The following DROSHA variants were observed in gnomAD, a reference collection of about 807,000 sequenced individuals.
DROSHA encodes drosha ribonuclease III, also known as ribonuclease 3.
Under a neutral mutation model 181.9 loss-of-function variants are expected in DROSHA, and 56 were observed. The observed-to-expected ratio is 0.31, with a 90% CI of 0.25 to 0.38. DROSHA has a LOEUF of 0.38. DROSHA is among the 10% of genes least tolerant of loss of function. The probability of loss-of-function intolerance (pLI) is 1.00; values close to 1 mark genes in which losing one functional copy is unlikely to be tolerated. For synonymous variants in DROSHA, 524 were observed against 591.2 expected, an observed-to-expected ratio of 0.89 and a Z score of 1.65; for missense variants, 1,218 against 1,743.5, an observed-to-expected ratio of 0.70 and a Z score of 5.37.
chr5:31,426,345 T>G (rs1361733246), intron 27 of DROSHA, among the ~76,000 whole-genome samples: 1 of 152,218 alleles, frequency 6.6e-6, no homozygotes, highest in Admixed American at 6.5e-5. Flanking sequence ...CTGGAAAATA[T>G]TCTGATCAGG....
intron 25 of DROSHA, among the ~76,000 whole-genome samples, chr5:31,432,804 C>A (rs1191379996): frequency 1.3e-5 from 2 of 152,152 alleles, no homozygotes; most frequent in Non-Finnish European, 2.9e-5. Flanking sequence ...TTTTCCTTTA[C>A]TTTGATCTCT....
chr5:31,479,004 A>G (rs1330117740), intron 16 of DROSHA, among the ~76,000 whole-genome samples: 2 of 152,228 alleles, frequency 1.3e-5, no homozygotes, highest in Non-Finnish European at 2.9e-5. Flanking sequence ...AACAATGGAG[A>G]ACTCCAGAAT....
intron 27 of DROSHA, among the ~76,000 whole-genome samples, chr5:31,428,059 T>A (rs1470714775): frequency 6.6e-6 from 1 of 152,176 alleles, no homozygotes; most frequent in African/African-American, 2.4e-5. Context: ...TTCTAACAAA[T>A]CTGTATTAAA....
intron 30 of DROSHA, among the ~76,000 whole-genome samples, chr5:31,418,085 C>T (rs760010166): frequency 2.0e-5 from 3 of 152,164 alleles, no homozygotes; most frequent in Non-Finnish European, 2.9e-5. Context: ...GCCCACTCCT[C>T]TCACGGGAAG....
In DROSHA at chr5:31,523,999, CA is replaced by C. The variant is rs74335989; in HGVS notation, c.854+2079del. ...TCCAAAAAAAAAAAAAAAAAAACAACAAAAAAAAAACTATCACATGCCTATG... is the reference window on the plus strand; with the variant it reads ...TCCAAAAAAAAAAAAAAAAAAACAACAAAAAAAAACTATCACATGCCTATG... On this transcript the variant is annotated intron_variant, in intron 5 of 35. Coordinates refer to ENST00000344624, the MANE Select transcript of DROSHA (RefSeq NM_001382508.1). Among the ~76,000 whole-genome samples, 232 of 133,102 alleles carry C rather than the reference CA, an allele frequency of 1.7e-3. 3 individuals are homozygous for C. The East Asian group carries it at 0.035, about 20-fold the overall frequency. 87.3% of individuals were successfully genotyped at this position (133,102 alleles called of 152,430 possible). A position where few individuals can be genotyped will look rare whatever the true frequency, so the allele number is the denominator to read the frequency against.
rs535927967 is a variant in DROSHA, at chr5:31,476,261, A to G, written c.2072-4029T>C. Reference sequence around the variant, plus strand: ...ACTCCTGTAATCCCAGCTACTCAGGAGGCTGGGGCAGGAGAATCGCTTGAA... The same window carrying G: ...ACTCCTGTAATCCCAGCTACTCAGGGGGCTGGGGCAGGAGAATCGCTTGAA... On this transcript the variant is annotated intron_variant, in intron 16 of 35. Transcript: ENST00000344624. Among the ~76,000 whole-genome samples the G allele has an allele frequency of 5.3e-5, 8 of 152,284 alleles. No homozygotes were observed. The East Asian group carries it at 1.4e-3, about 26-fold the overall frequency.
At chr5:31,485,650 ACCCTTCT>A (rs1751648140) in intron 14 of DROSHA, among the ~76,000 whole-genome samples, 1 of 149,436 alleles carries the variant, frequency 6.7e-6, no homozygotes. Context: ...AAAAAAAAAA[ACCCTTCT>A]AAAGCAGGAG....
Position 31,486,473 on chromosome 5 carries a change from C to T in DROSHA, c.1914+18G>A. On this transcript the variant is annotated intron_variant, in intron 14 of 35. Transcript: ENST00000344624. ...AAAGAGCAAACTACATCAAACCACA[C>T]ACAATCTTTTCCCTTACCTCCGGCA... is the stretch of plus-strand genomic sequence containing the variant. 9.3e-6 allele frequency: 15 copies of T among 1,609,380 alleles called. No individual in the cohort carries two copies. Among genetic ancestry groups the T allele is most frequent in the Non-Finnish European group, 1.3e-5 (15 of 1,177,038 alleles).
chr5:31,519,683 C>T (rs1229223413), intron 6 of DROSHA, among the ~76,000 whole-genome samples: 1 of 152,166 alleles, frequency 6.6e-6, no homozygotes, highest in South Asian at 2.1e-4. Context: ...TCAGGTTCAT[C>T]GTGAGCTACC....
At chr5:31,518,769 T>C (rs886090897) in intron 6 of DROSHA, among the ~76,000 whole-genome samples, 1 of 152,212 alleles carries the variant, frequency 6.6e-6, no homozygotes, top group Non-Finnish European at 1.5e-5. Flanking sequence ...CTAAAAGTGG[T>C]AGTTAAATGC....
At chr5:31,483,528 G>C (rs371672664) in intron 16 of DROSHA, 26 bp downstream of exon 16, 7 of 1,608,350 alleles carry the variant, frequency 4.4e-6, no homozygotes, top group Non-Finnish European at 5.1e-6. Flanking sequence ...TATCTCACCA[G>C]GTCACTGACA....
chr5:31,408,450 A>T (rs779330985), intron 33 of DROSHA, among the ~76,000 whole-genome samples: 1 of 152,212 alleles, frequency 6.6e-6, no homozygotes, highest in Non-Finnish European at 1.5e-5. Context: ...TTCAGAGCTG[A>T]ACCTCCTGTT....
rs1359929446 is a variant in DROSHA at position 31,464,352 on chromosome 5, G to T, written c.2467-9C>A. On this transcript the variant is annotated splice_polypyrimidine_tract_variant and intron_variant, in intron 19 of 35. Transcript: ENST00000344624. ...ATTTTTTGGAGGGCTTCCTAGAAAA[G>T]AATTCATTATGATGAGTAACACAAC... 6.2e-7 allele frequency: 1 copy of T among 1,611,456 alleles called. No individual in the cohort carries two copies. The highest frequency in any genetic ancestry group is 1.7e-5 in the Admixed American group (1 of 59,740).
At chr5:31,497,556 A>G (rs1753140174) in intron 11 of DROSHA, among the ~76,000 whole-genome samples, 2 of 152,262 alleles carry the variant, frequency 1.3e-5, no homozygotes, top group African/African-American at 4.8e-5. Context: ...CAGAGGTACA[A>G]AGTGCACACA....
At position 31,424,440 on chromosome 5, in the gene DROSHA, A is replaced by C. The variant is rs1330382398; in HGVS notation, c.3248T>G (p.Leu1083Arg). The C allele has an allele frequency of 1.3e-6, 2 of 1,598,778 alleles. No individual in the cohort carries two copies. The highest frequency in any genetic ancestry group is 1.7e-6 in the Non-Finnish European group (2 of 1,172,680). Reference sequence around the variant, plus strand: ...GGTCATACTTACTTGGAGTGGGTGGAGAGGATAATTGAGCCAGACTTCGCG... The same window carrying C: ...GGTCATACTTACTTGGAGTGGGTGGCGAGGATAATTGAGCCAGACTTCGCG... The part of the protein sequence containing the change: ...DLREVWLNYP[L>R]HPLQLQEPNT... The change falls in exon 28 of 36, where the codon CTC (leucine) becomes CGC (arginine). Residue 1083 changes from leucine (L) to arginine (R), a missense_variant. Leu to Arg is a moderately radical substitution (Grantham distance 102). Around this residue, in one of 8 missense-constraint regions of DROSHA, gnomAD observed 71 missense variants for 95.2 expected, o/e 0.75. Transcript: ENST00000344624.
intron 16 of DROSHA, 59 bp downstream of exon 16, chr5:31,483,495 G>T: frequency 6.4e-7 from 1 of 1,551,230 alleles, no homozygotes. Flanking sequence ...AAAGGAAAAT[G>T]GCAAGCTTAT....
chr5:31,427,964 AAAAC>A (rs1404081501), intron 27 of DROSHA, among the ~76,000 whole-genome samples: 1 of 152,236 alleles, frequency 6.6e-6, no homozygotes, highest in Non-Finnish European at 1.5e-5. Context: ...AAGACACACT[AAAAC>A]AAATTCTGAA....
chr5:31,402,680 G>A (rs1339601920), intron 35 of DROSHA, among the ~76,000 whole-genome samples: 1 of 152,114 alleles, frequency 6.6e-6, no homozygotes, highest in Non-Finnish European at 1.5e-5. Context: ...TAATTATATA[G>A]TATACCATCC....
chr5:31,493,246 A>C lies in DROSHA; in HGVS notation c.1803T>G (p.Phe601Leu), dbSNP rs1265294759. 1 of 1,607,214 alleles carries C rather than the reference A, an allele frequency of 6.2e-7. No homozygotes were observed. Among genetic ancestry groups the C allele is most frequent in the South Asian group, 1.1e-5 (1 of 88,446 alleles). ...CATGTGCAAACATAGAAAATCCTTC[A>C]AAGATATACTCGTGATCATCGTATT... ...VIEYDDHEYIFEGFSMFAHAP... is the reference protein window; with the variant it reads ...VIEYDDHEYILEGFSMFAHAP... Residue 601 changes from phenylalanine to leucine, a missense_variant, in exon 13 of 36, where the codon TTT (phenylalanine) becomes TTG (leucine). By Grantham distance (22) the Phe-to-Leu change is conservative (BLOSUM62 0). Coordinates refer to ENST00000344624, the MANE Select transcript of DROSHA (RefSeq NM_001382508.1).
Sources: allele counts gnomAD v4.1 joint callset (sites outside exome capture counted in the v4.1 genomes callset), GRCh38; gene constraint gnomAD v4.1.1; regional missense constraint gnomAD v4.1.1; transcripts MANE v1.5; gene names NCBI Gene and HGNC (gene_info 2026-07-23, HGNC 2026-07-21).